The following RGS6 variants were observed in gnomAD, a reference collection of about 807,000 sequenced individuals.
RGS6 encodes the protein regulator of G-protein signaling 6.
A neutral mutation model predicts 78.5 loss-of-function variants in RGS6; 30 were observed. The ratio of observed to expected loss-of-function variants is 0.38; its 90% CI spans 0.29 to 0.52. The LOEUF (loss-of-function observed/expected upper bound fraction) is 0.52, where lower values mean the gene tolerates loss of function less well. Ranked by LOEUF, RGS6 falls within the 20% of genes least tolerant of loss-of-function variation. The probability of loss-of-function intolerance (pLI) is 0.85; values close to 1 mark genes in which losing one functional copy is unlikely to be tolerated. For synonymous variants in RGS6, 206 were observed against 206.0 expected (o/e 1.00, Z 0.00); for missense variants, 495 against 609.7 (o/e 0.81, Z 1.98).
chr14:71,931,285 A>G (rs2087841351), upstream of RGS6, among the ~76,000 whole-genome samples: 1 of 151,194 alleles, frequency 6.6e-6, no homozygotes. Context: ...TAAGCCTACC[A>G]TAACACACAT....
intron 2 of RGS6, among the ~76,000 whole-genome samples, chr14:72,300,151 A>T (rs2065749889): frequency 6.6e-6 from 1 of 152,086 alleles, no homozygotes; most frequent in Non-Finnish European, 1.5e-5. Context: ...GAAAAGATCG[A>T]TGTATTGATA....
intron 12 of RGS6, among the ~76,000 whole-genome samples, chr14:72,484,931 ATT>A (rs550497245): frequency 0.25 from 28,931 of 118,040 alleles, 2,865 homozygotes; most frequent in South Asian, 0.39. Flanking sequence ...CATCTGGTAG[ATT>A]TTTTTTTTTT....
chr14:72,536,396 C>A, intron 16 of RGS6, 121 bp downstream of exon 16: 1 of 731,356 alleles, frequency 1.4e-6, no homozygotes, highest in Non-Finnish European at 2.4e-6. Flanking sequence ...TCTTCTTTCC[C>A]TTCTCTATCT....
chr14:72,225,119 A>G (rs1363035946), intron 2 of RGS6, among the ~76,000 whole-genome samples: 2 of 152,168 alleles, frequency 1.3e-5, no homozygotes, highest in African/African-American at 4.8e-5. Context: ...GATGAATTTA[A>G]TAGGATTATG....
At chr14:72,252,949 A>C (rs906805435) in intron 2 of RGS6, among the ~76,000 whole-genome samples, 1 of 152,214 alleles carries the variant, frequency 6.6e-6, no homozygotes, top group African/African-American at 2.4e-5. Context: ...CAGGAGGGTT[A>C]CTTCTCAAGG....
chr14:72,531,966 C>A (rs1362323627), intron 15 of RGS6, among the ~76,000 whole-genome samples: 5 of 152,344 alleles, frequency 3.3e-5, no homozygotes, highest in Admixed American at 3.3e-4. Context: ...TCTCACTCCC[C>A]ACAGCCCCTG....
intron 2 of RGS6, among the ~76,000 whole-genome samples, chr14:72,116,166 A>T (rs894481771): frequency 2.0e-5 from 3 of 152,216 alleles, no homozygotes; most frequent in African/African-American, 7.2e-5. Flanking sequence ...TGTGATGCAA[A>T]TAATATACAA....
chr14:72,005,660 C>T (rs2084409615), intron 2 of RGS6, among the ~76,000 whole-genome samples: 1 of 152,102 alleles, frequency 6.6e-6, no homozygotes, highest in African/African-American at 2.4e-5. Flanking sequence ...TATCTCAGTG[C>T]ACTTGCCTGA....
At chr14:72,149,512 C>T (rs2096653790) in intron 2 of RGS6, among the ~76,000 whole-genome samples, 1 of 152,046 alleles carries the variant, frequency 6.6e-6, no homozygotes. Flanking sequence ...GTTGGCTGGC[C>T]TGGAGCATGT....
intron 2 of RGS6, among the ~76,000 whole-genome samples, chr14:72,162,805 C>T (rs565862279): frequency 6.6e-5 from 10 of 152,166 alleles, no homozygotes; most frequent in African/African-American, 2.2e-4. Context: ...TATATATACA[C>T]ACACACACAT....
intron 3 of RGS6, among the ~76,000 whole-genome samples, chr14:72,364,172 A>T (rs1421671506): frequency 6.6e-6 from 1 of 152,094 alleles, no homozygotes; most frequent in Non-Finnish European, 1.5e-5. Context: ...TCTATTGTTT[A>T]GCAATATCAG....
chr14:71,992,578 A>G (rs528803125), intron 2 of RGS6, among the ~76,000 whole-genome samples: 9 of 152,334 alleles, frequency 5.9e-5, no homozygotes, highest in African/African-American at 2.2e-4. Context: ...CTAAGGTTAG[A>G]TGGTTAGTAA....
the RGS6 span, among the ~76,000 whole-genome samples, chr14:71,903,223 T>A: frequency 6.6e-6 from 1 of 152,330 alleles, no homozygotes; most frequent in South Asian, 2.1e-4. Context: ...TCCTCCTTTC[T>A]ATGTGGCAGC....
At chr14:72,022,901 G>A (rs565349364) in intron 2 of RGS6, among the ~76,000 whole-genome samples, 12 of 152,302 alleles carry the variant, frequency 7.9e-5, no homozygotes, top group East Asian at 3.9e-4. Context: ...TAAACACAGC[G>A]ATGCCTACGT....
In RGS6 at chr14:72,252,774, G is replaced by C. The variant is rs994577689; in HGVS notation, c.85-99321G>C. On this transcript the variant is annotated intron_variant, in intron 2 of 17. Coordinates refer to ENST00000553525, the MANE Select transcript of RGS6 (RefSeq NM_001204424.2). ...TTAACATGAAAATGTTGAAAACAATGATGCAGTCCAATTATCTCTTTATAG... is the reference window on the plus strand; with the variant it reads ...TTAACATGAAAATGTTGAAAACAATCATGCAGTCCAATTATCTCTTTATAG... Among the ~76,000 whole-genome samples, 5 of 152,190 alleles carry C rather than the reference G, an allele frequency of 3.3e-5. 1 individual carries two copies. Among genetic ancestry groups the C allele is most frequent in the African/African-American group, 1.2e-4 (5 of 41,434 alleles).
chr14:72,134,683 C>G (rs549184804), intron 2 of RGS6, among the ~76,000 whole-genome samples: 7 of 152,256 alleles, frequency 4.6e-5, no homozygotes, highest in Admixed American at 4.6e-4. Flanking sequence ...AATCTGCAGT[C>G]TGCAAGCTGG....
At chr14:72,149,935 G>T (rs1207670381) in intron 2 of RGS6, among the ~76,000 whole-genome samples, 2 of 152,068 alleles carry the variant, frequency 1.3e-5, no homozygotes, top group Non-Finnish European at 2.9e-5. Flanking sequence ...AAGAATCTTG[G>T]TCTTTTTGAT....
chr14:72,030,388 A>G (rs957340488), intron 2 of RGS6, among the ~76,000 whole-genome samples: 2 of 151,998 alleles, frequency 1.3e-5, no homozygotes, highest in Non-Finnish European at 2.9e-5. Flanking sequence ...TAAAAGTTTG[A>G]AAAAATAAAA....
chr14:71,945,429 C>G (rs181536375), intron 1 of RGS6, among the ~76,000 whole-genome samples: 53 of 152,284 alleles, frequency 3.5e-4, no homozygotes, highest in African/African-American at 1.2e-3. Flanking sequence ...CAAACTCAAA[C>G]ACTCAATAGA....
Sources: allele counts gnomAD v4.1 joint callset (sites outside exome capture counted in the v4.1 genomes callset), GRCh38; gene constraint gnomAD v4.1.1; transcripts MANE v1.5; gene names NCBI Gene and HGNC (gene_info 2026-07-23, HGNC 2026-07-21).